Variants in TMPRSS11E observed in about 807,000 individuals in gnomAD.
TMPRSS11E encodes the protein transmembrane protease serine 11E.
TMPRSS11E carries 38 observed loss-of-function variants against 48.1 expected under a neutral mutation model. That is an observed-to-expected ratio of 0.79 (90% CI 0.61 to 1.04). TMPRSS11E has a LOEUF of 1.04. TMPRSS11E is among the 50% of genes least tolerant of loss of function. The probability of loss-of-function intolerance (pLI) is 0.00; values close to 1 mark genes in which losing one functional copy is unlikely to be tolerated. For missense variants in TMPRSS11E, 530 were observed against 510.8 expected (o/e 1.04, Z -0.36); for synonymous variants, 158 against 171.9 (o/e 0.92, Z 0.63).
intron 9 of TMPRSS11E, among the ~76,000 whole-genome samples, chr4:68,494,523 T>C (rs1729816922): frequency 6.6e-6 from 1 of 152,214 alleles, no homozygotes. Context: ...CATTTCTTTG[T>C]GTCTTAATAC....
chr4:68,482,479 T>A (rs889347062), intron 9 of TMPRSS11E, among the ~76,000 whole-genome samples: 3 of 151,274 alleles, frequency 2.0e-5, no homozygotes, highest in African/African-American at 7.3e-5. Context: ...GTTGGCCAGA[T>A]GCAGTGGCTC....
rs760140737 is a variant in TMPRSS11E at position 68,478,958 on chromosome 4, T to TGGC, written c.1078_1080dup (p.Gly360dup). 1.2e-5 allele frequency: 19 copies of TGGC among 1,614,116 alleles called. No homozygotes were observed. The highest frequency in any genetic ancestry group is 1.5e-5 in the Non-Finnish European group (18 of 1,179,968). On this transcript the variant is annotated inframe_insertion, in exon 9 of 10. Transcript: ENST00000305363. ...CCATAACTCCTAGAATGTTATGTGC[T>TGGC]GGCTCCTTAGAAGGAAAAACAGATG...
At chr4:68,491,535 G>A (rs1008529986) in intron 9 of TMPRSS11E, among the ~76,000 whole-genome samples, 20 of 152,016 alleles carry the variant, frequency 1.3e-4, no homozygotes, top group African/African-American at 2.9e-4. Context: ...TTTTGAAGCC[G>A]GGTTTTGTTT....
chr4:68,495,175 TA>T (rs1435832369), intron 9 of TMPRSS11E, among the ~76,000 whole-genome samples: 1 of 152,192 alleles, frequency 6.6e-6, no homozygotes, highest in Non-Finnish European at 1.5e-5. Flanking sequence ...ATAGACTCTA[TA>T]TTTTTTTCTA....
chr4:68,493,085 G>A (rs1354368292), intron 9 of TMPRSS11E, among the ~76,000 whole-genome samples: 6 of 151,790 alleles, frequency 4.0e-5, no homozygotes, highest in Non-Finnish European at 2.9e-5. Context: ...AGAAACAGAT[G>A]TATGCCCTCT....
At position 68,448,841 on chromosome 4, in the gene TMPRSS11E, G is replaced by T. The variant is rs1229897740; in HGVS notation, c.11+1318G>T. Among the ~76,000 whole-genome samples, 3 of 151,798 alleles carry T rather than the reference G, an allele frequency of 2.0e-5. No individual in the cohort carries two copies. In the East Asian group the frequency reaches 5.8e-4, roughly 29 times the overall value. ...ATGAAGCACATCTATGTTTGAGTGGGTCTAGATGAGATAAAATGTTAAGAG... is the reference window on the plus strand; with the variant it reads ...ATGAAGCACATCTATGTTTGAGTGGTTCTAGATGAGATAAAATGTTAAGAG... On this transcript the variant is annotated intron_variant, in intron 1 of 9. Coordinates refer to ENST00000305363, the MANE Select transcript of TMPRSS11E (RefSeq NM_014058.4).
intron 9 of TMPRSS11E, among the ~76,000 whole-genome samples, chr4:68,492,736 A>C (rs187325980): frequency 3.9e-5 from 6 of 152,330 alleles, no homozygotes; most frequent in Non-Finnish European, 8.8e-5. Context: ...AAATGTGACC[A>C]GAGTCTCCTG....
At chr4:68,462,548 A>G (rs1053911507) in intron 2 of TMPRSS11E, among the ~76,000 whole-genome samples, 2 of 151,476 alleles carry the variant, frequency 1.3e-5, no homozygotes, top group Admixed American at 6.6e-5. Context: ...ACACCGCTGC[A>G]CTCCAGTCTG....
rs908095121 is a variant in TMPRSS11E at position 68,496,877 on chromosome 4, A to G, written c.*73A>G. ...GTGTGGAGGCCATTTTTAGAGATAC[A>G]GAATTGGAGAAGACTTGCAAAACAG... On this transcript the variant is annotated 3_prime_UTR_variant, in exon 10 of 10. Transcript: ENST00000305363. The G allele has an allele frequency of 4.9e-6, 7 of 1,425,538 alleles. No homozygotes were observed. The highest frequency in any genetic ancestry group is 4.4e-5 in the Admixed American group (2 of 45,412). The allele number at this position is 1,425,538 out of a possible 1,614,324, so 88.3% of individuals were successfully genotyped here.
chr4:68,473,963 A>G (rs904791921), intron 5 of TMPRSS11E, among the ~76,000 whole-genome samples: 5 of 19,790 alleles, frequency 2.5e-4, no homozygotes, highest in Non-Finnish European at 8.4e-4. Flanking sequence ...AAAGAAAAAA[A>G]TTAACACTAA....
chr4:68,474,036 A>G (rs1729144936), intron 5 of TMPRSS11E, among the ~76,000 whole-genome samples: 1 of 151,990 alleles, frequency 6.6e-6, no homozygotes, highest in Non-Finnish European at 1.5e-5. Flanking sequence ...GGTCATTAGA[A>G]CTCTGCTGAG....
intron 9 of TMPRSS11E, among the ~76,000 whole-genome samples, chr4:68,493,456 G>A (rs151296407): frequency 8.5e-5 from 13 of 152,208 alleles, no homozygotes; most frequent in Non-Finnish European, 1.9e-4. Flanking sequence ...TCTCTGGGAA[G>A]ACATGGCACC....
chr4:68,454,282 A>T (rs1728570220), intron 1 of TMPRSS11E, among the ~76,000 whole-genome samples: 1 of 151,892 alleles, frequency 6.6e-6, no homozygotes, highest in Non-Finnish European at 1.5e-5. Context: ...GATATGAATT[A>T]AACGCATGGA....
At chr4:68,450,794 G>A (rs894629603) in intron 1 of TMPRSS11E, among the ~76,000 whole-genome samples, 18 of 151,808 alleles carry the variant, frequency 1.2e-4, no homozygotes, top group African/African-American at 3.9e-4. Flanking sequence ...CTGTTTCAAA[G>A]GTGATCAGAG....
intron 4 of TMPRSS11E, among the ~76,000 whole-genome samples, chr4:68,470,017 C>A (rs1217128475): frequency 1.3e-5 from 2 of 151,778 alleles, no homozygotes; most frequent in Non-Finnish European, 2.9e-5. Context: ...TCTGTTACTG[C>A]AATAGTGAGA....
intron 1 of TMPRSS11E, among the ~76,000 whole-genome samples, chr4:68,455,188 A>G (rs1001413542): frequency 9.9e-5 from 15 of 151,988 alleles, no homozygotes; most frequent in Admixed American, 7.2e-4. Flanking sequence ...AAATTATCTG[A>G]CATTGTAGTC....
At position 68,496,753 on chromosome 4, in the gene TMPRSS11E, T is replaced by TA. The variant is rs1371937354; in HGVS notation, c.1222dup (p.Thr408AsnfsTer2). ...CGAAACCCAACAAGCCTGGTGTTTA[T>TA]ACTAGAGTTACGGCCTTGCGGGACT... is the stretch of plus-strand genomic sequence containing the variant. On this transcript the variant is annotated frameshift_variant, in exon 10 of 10. Transcript: ENST00000305363. LOFTEE classifies it high-confidence loss of function. The TA allele has an allele frequency of 6.2e-7, 1 of 1,613,566 alleles. No individual in the cohort carries two copies. Among genetic ancestry groups the TA allele is most frequent in the Non-Finnish European group, 8.5e-7 (1 of 1,179,682 alleles).
intron 1 of TMPRSS11E, 140 bp from the exon 2 acceptor site, chr4:68,461,681 G>A (rs1235559053): frequency 7.5e-7 from 1 of 1,334,848 alleles, no homozygotes; most frequent in Non-Finnish European, 1.0e-6. Context: ...CAGCAGCCTG[G>A]AACCAGGGTG....
intron 2 of TMPRSS11E, among the ~76,000 whole-genome samples, chr4:68,463,811 A>T (rs550227869): frequency 5.9e-5 from 9 of 152,306 alleles, no homozygotes; most frequent in East Asian, 1.9e-4. Flanking sequence ...ATACTGAATG[A>T]TAATATCAAA....
Sources: allele counts gnomAD v4.1 joint callset (sites outside exome capture counted in the v4.1 genomes callset), GRCh38; gene constraint gnomAD v4.1.1; transcripts MANE v1.5; gene names NCBI Gene and HGNC (gene_info 2026-07-23, HGNC 2026-07-21).